WDPCP: variants seen among roughly 807,000 people sequenced by gnomAD.
The protein encoded by WDPCP is WD repeat-containing and planar cell polarity effector protein fritz homolog.
Under a neutral mutation model 93.1 loss-of-function variants are expected in WDPCP, and 71 were observed. The ratio of observed to expected loss-of-function variants is 0.76; its 90% CI spans 0.63 to 0.93. WDPCP has a LOEUF of 0.93. Among genes scored for constraint, WDPCP ranks in the 40% least tolerant of loss-of-function variants. The probability of loss-of-function intolerance (pLI) is 0.00; values close to 1 mark genes in which losing one functional copy is unlikely to be tolerated. For missense variants in WDPCP, 844 were observed against 887.4 expected (o/e 0.95, Z 0.62); for synonymous variants, 315 against 315.0 (o/e 1.00, Z 0.00).
intron 17 of WDPCP, among the ~76,000 whole-genome samples, chr2:63,141,447 C>T (rs1231134323): frequency 6.6e-6 from 1 of 152,224 alleles, no homozygotes; most frequent in African/African-American, 2.4e-5. Flanking sequence ...ACCATCCCTA[C>T]ATCCCTGGTA....
chr2:63,502,908 G>A (rs948963584), intron 1 of WDPCP, among the ~76,000 whole-genome samples: 3 of 152,198 alleles, frequency 2.0e-5, no homozygotes, highest in African/African-American at 7.2e-5. Flanking sequence ...CCACTGGTCA[G>A]ATGATGCTAT....
intron 17 of WDPCP, among the ~76,000 whole-genome samples, chr2:63,133,076 AG>A (rs1670393093): frequency 6.6e-6 from 1 of 152,244 alleles, no homozygotes; most frequent in African/African-American, 2.4e-5. Flanking sequence ...ATCACATCAA[AG>A]AGAAAGCTAA....
At chr2:63,684,531 A>G (rs561835512) in intron 2 of WDPCP, 1 of 723,328 alleles carries the variant, frequency 1.4e-6, no homozygotes, top group South Asian at 1.4e-5. Flanking sequence ...AGAGTTTATA[A>G]CTATAATCAC....
intron 2 of WDPCP, among the ~76,000 whole-genome samples, chr2:63,784,517 C>T (rs993701113): frequency 6.6e-6 from 1 of 151,892 alleles, no homozygotes; most frequent in African/African-American, 2.4e-5. Flanking sequence ...TGAAAGACAA[C>T]TCTTCAAAGA....
At chr2:63,268,740 CAG>C (rs77868582) in intron 13 of WDPCP, among the ~76,000 whole-genome samples, 122,803 of 151,866 alleles carry the variant, frequency 0.81, 50,436 homozygotes, top group East Asian at 0.96. Flanking sequence ...TGTAGCCTCC[CAG>C]AAAGTGATGG....
chr2:63,226,683 T>C (rs1678319472), intron 14 of WDPCP, among the ~76,000 whole-genome samples: 1 of 151,932 alleles, frequency 6.6e-6, no homozygotes, highest in African/African-American at 2.4e-5. Context: ...CTCTCTGTAT[T>C]ACTGTAGAAC....
At chr2:63,628,612 C>T (rs1216255752) in intron 3 of WDPCP, among the ~76,000 whole-genome samples, 1 of 152,156 alleles carries the variant, frequency 6.6e-6, no homozygotes, top group African/African-American at 2.4e-5. Flanking sequence ...AAATTCACAG[C>T]TGTGAGTTTA....
At position 63,131,783 on chromosome 2, in the gene WDPCP, A is replaced by G. The variant is rs544410168; in HGVS notation, c.2191-9727T>C. ...TTGACTATACATCTTTTATCTGGGA[A>G]TGTCATCATTTCTTCACATTTGAAG... On this transcript the variant is annotated intron_variant, in intron 17 of 17. Transcript: ENST00000272321. 4.7e-5 allele frequency among the ~76,000 whole-genome samples: 7 copies of G among 149,774 alleles called. No individual in the cohort carries two copies. The East Asian group carries it at 1.4e-3, about 29-fold the overall frequency.
At position 63,223,223 on chromosome 2, in the gene WDPCP, T is replaced by C. The variant is rs1677988174; in HGVS notation, c.1915+36084A>G. Reference sequence around the variant, plus strand: ...TATGAATTCTATTCATACTTGAATGTTGGGTGAGTTTTGACTAAATTGGGC... The same window carrying C: ...TATGAATTCTATTCATACTTGAATGCTGGGTGAGTTTTGACTAAATTGGGC... On this transcript the variant is annotated intron_variant, in intron 14 of 17. Coordinates refer to ENST00000272321, the MANE Select transcript of WDPCP (RefSeq NM_015910.7). Among the ~76,000 whole-genome samples the C allele has an allele frequency of 2.0e-5, 3 of 152,164 alleles. No homozygotes were observed. The South Asian group carries it at 6.2e-4, about 31-fold the overall frequency.
intron 1 of WDPCP, among the ~76,000 whole-genome samples, chr2:63,562,495 A>G (rs1031867616): frequency 6.6e-6 from 1 of 152,214 alleles, no homozygotes; most frequent in African/African-American, 2.4e-5. Flanking sequence ...CACATCCTGC[A>G]TATGTATCCT....
chr2:63,488,435 G>A (rs1309817814), intron 2 of WDPCP, among the ~76,000 whole-genome samples: 1 of 151,990 alleles, frequency 6.6e-6, no homozygotes, highest in Non-Finnish European at 1.5e-5. Flanking sequence ...ACTTGTTAAA[G>A]CTCTATTTTA....
chr2:63,203,468 T>G (rs899646966), intron 14 of WDPCP, among the ~76,000 whole-genome samples: 1 of 152,176 alleles, frequency 6.6e-6, no homozygotes, highest in East Asian at 1.9e-4. Context: ...CCACTAACCC[T>G]TCCCAGCTCT....
At chr2:63,201,437 G>A (rs746955529) in intron 14 of WDPCP, among the ~76,000 whole-genome samples, 8 of 152,134 alleles carry the variant, frequency 5.3e-5, no homozygotes, top group Non-Finnish European at 8.8e-5. Flanking sequence ...TTTTAAAAAC[G>A]TGCTTTGGAT....
chr2:63,444,549 AG>A (rs1697720222), intron 6 of WDPCP, among the ~76,000 whole-genome samples: 1 of 152,182 alleles, frequency 6.6e-6, no homozygotes, highest in Admixed American at 6.5e-5. Flanking sequence ...AAGATTTGGT[AG>A]GACAAAAAGG....
chr2:63,404,067 A>G lies in WDPCP; in HGVS notation c.1416T>C (p.Gly472=). 6.2e-7 allele frequency: 1 copy of G among 1,614,076 alleles called. No individual in the cohort carries two copies. The highest frequency in any genetic ancestry group is 8.5e-7 in the Non-Finnish European group (1 of 1,179,974). Reference sequence around the variant, plus strand: ...ACTTACCTAGTTTAAACAACAGCACACCCAAAGGTCCTCTTTCAAACCTGA... The same window carrying G: ...ACTTACCTAGTTTAAACAACAGCACGCCCAAAGGTCCTCTTTCAAACCTGA... ...LFLRFERGPL[G]VLLFKLGVFT... is the part of the protein sequence containing the mutation. The change falls in exon 10 of 18, where the codon GGT becomes GGC. Residue 472 remains glycine, a synonymous_variant. Transcript: ENST00000272321.
At chr2:63,472,323 T>C (rs1699739490) in intron 6 of WDPCP, among the ~76,000 whole-genome samples, 1 of 151,944 alleles carries the variant, frequency 6.6e-6, no homozygotes, top group Non-Finnish European at 1.5e-5. Context: ...CAGACATGCC[T>C]TCAGTTCGGG....
At chr2:63,746,956 G>A (rs937978852) in intron 2 of WDPCP, among the ~76,000 whole-genome samples, 15 of 151,956 alleles carry the variant, frequency 9.9e-5, no homozygotes, top group Non-Finnish European at 1.9e-4. Context: ...TTATGGCTCG[G>A]GGGCATCATG....
intron 2 of WDPCP, chr2:63,717,536 C>G (rs1669356818): frequency 2.1e-6 from 1 of 483,786 alleles, no homozygotes; most frequent in African/African-American, 2.0e-5. Context: ...ACAGGTTGTC[C>G]CAGGCTCTGG....
rs189276874 is a variant in WDPCP, at chr2:63,264,559, C to T, written c.1813-5150G>A. 4.6e-5 allele frequency among the ~76,000 whole-genome samples: 7 copies of T among 152,258 alleles called. No homozygotes were observed. The East Asian group carries it at 1.2e-3, about 25-fold the overall frequency. ...CAATGGTAAATATATTTGCATTAAA[C>T]ATTGGAGCCCATGAATATATAAAGC... On this transcript the variant is annotated intron_variant, in intron 13 of 17. Coordinates refer to ENST00000272321, the MANE Select transcript of WDPCP (RefSeq NM_015910.7).
Sources: gnomAD v4.1 joint callset for allele counts (sites outside exome capture counted in the v4.1 genomes callset) on GRCh38, gnomAD v4.1.1 for gene constraint, MANE v1.5 for transcripts, NCBI Gene and HGNC (gene_info 2026-07-23, HGNC 2026-07-21) for gene names.